The following ZMAT4 variants were observed in gnomAD, a reference collection of about 807,000 sequenced individuals.
ZMAT4 encodes the protein zinc finger matrin-type 4, also known as zinc finger matrin-type protein 4.
In ZMAT4, 17 loss-of-function variants were observed where a neutral mutation model predicts 28.7. That is an observed-to-expected ratio of 0.59 (90% confidence interval 0.41 to 0.89). The LOEUF (loss-of-function observed/expected upper bound fraction) is 0.89, where lower values mean the gene tolerates loss of function less well. Ranked by LOEUF, ZMAT4 falls within the 40% of genes least tolerant of loss-of-function variation. The pLI, the probability that ZMAT4 is intolerant of heterozygous loss-of-function variation, is 0.00. For synonymous variants in ZMAT4, 117 were observed against 109.2 expected (o/e 1.07, Z -0.44); for missense variants, 240 against 283.8 (o/e 0.85, Z 1.11).
At chr8:40,541,643 T>C (rs1221244814) in intron 6 of ZMAT4, among the ~76,000 whole-genome samples, 1 of 152,172 alleles carries the variant, frequency 6.6e-6, no homozygotes, top group African/African-American at 2.4e-5. Flanking sequence ...TCTGGGCTAG[T>C]GTCACTGAAA....
At chr8:40,878,672 C>T (rs1207799749) in intron 1 of ZMAT4, among the ~76,000 whole-genome samples, 1 of 152,244 alleles carries the variant, frequency 6.6e-6, no homozygotes, top group African/African-American at 2.4e-5. Flanking sequence ...CCCTGGTGCA[C>T]TCAATGTACC....
intron 5 of ZMAT4, among the ~76,000 whole-genome samples, chr8:40,669,091 CATT>C (rs1046116018): frequency 1.5e-4 from 23 of 152,054 alleles, no homozygotes; most frequent in African/African-American, 5.1e-4. Context: ...ATAGAGAAAA[CATT>C]ATGAAAGTTT....
At chr8:40,802,599 G>T (rs1012092110) in intron 2 of ZMAT4, among the ~76,000 whole-genome samples, 12 of 152,044 alleles carry the variant, frequency 7.9e-5, no homozygotes, top group African/African-American at 2.9e-4. Context: ...CATGTTCATG[G>T]ATAGAAAGAC....
At chr8:40,852,202 C>G (rs1428958795) in intron 1 of ZMAT4, among the ~76,000 whole-genome samples, 27 of 152,146 alleles carry the variant, frequency 1.8e-4, no homozygotes, top group Non-Finnish European at 1.5e-5. Context: ...AAATCTCTCC[C>G]TATCCCCCAG....
chr8:40,861,015 C>T (rs935729503), intron 1 of ZMAT4, among the ~76,000 whole-genome samples: 1 of 152,174 alleles, frequency 6.6e-6, no homozygotes, highest in African/African-American at 2.4e-5. Flanking sequence ...GCTGACCACC[C>T]CTCCTAATCT....
intron 1 of ZMAT4, among the ~76,000 whole-genome samples, chr8:40,849,443 G>A (rs546059213): frequency 6.6e-6 from 1 of 152,164 alleles, no homozygotes; most frequent in Non-Finnish European, 1.5e-5. Flanking sequence ...AATGCTAGAA[G>A]CCTCCCAAGA....
chr8:40,806,020 C>T (rs1350179054), intron 2 of ZMAT4, among the ~76,000 whole-genome samples: 1 of 152,064 alleles, frequency 6.6e-6, no homozygotes, highest in African/African-American at 2.4e-5. Context: ...ATAATCTCAT[C>T]TTATTCTAGA....
In ZMAT4 at chr8:40,530,748, C is replaced by T. The variant is rs75983141; in HGVS notation, c.*1475G>A. On this transcript the variant is annotated 3_prime_UTR_variant, in exon 7 of 7. Coordinates refer to ENST00000297737, the MANE Select transcript of ZMAT4 (RefSeq NM_024645.3). ...AGCAAAATAGATTCTTCCCATCCAACCCCCTTTCCTCTTGTAGAGTAGGGT... is the reference window on the plus strand; with the variant it reads ...AGCAAAATAGATTCTTCCCATCCAATCCCCTTTCCTCTTGTAGAGTAGGGT... 8.0e-3 allele frequency: 1,229 copies of T among 152,758 alleles called. 8 individuals carry two copies. Among genetic ancestry groups the T allele is most frequent in the Non-Finnish European group, 0.012 (848 of 68,042 alleles). 9.5% of individuals were successfully genotyped at this position (152,758 alleles called of 1,614,324 possible).
chr8:40,824,540 C>CT (rs1815951639), intron 2 of ZMAT4, among the ~76,000 whole-genome samples: 1 of 151,520 alleles, frequency 6.6e-6, no homozygotes, highest in East Asian at 1.9e-4. Flanking sequence ...AGAACATGCC[C>CT]TAGTAGCTCT....
At chr8:40,712,362 C>G (rs1430387184) in intron 3 of ZMAT4, among the ~76,000 whole-genome samples, 1 of 152,174 alleles carries the variant, frequency 6.6e-6, no homozygotes, top group African/African-American at 2.4e-5. Context: ...ACCTCTGAAA[C>G]AAAGATAAGA....
intron 5 of ZMAT4, among the ~76,000 whole-genome samples, chr8:40,658,879 T>C (rs1228385132): frequency 6.6e-6 from 1 of 152,138 alleles, no homozygotes; most frequent in African/African-American, 2.4e-5. Flanking sequence ...TTATTCCAAA[T>C]GTTCACCTCC....
rs530886272 is a variant in ZMAT4, at chr8:40,867,944, A to AG, written c.-5+29738_-5+29739insC. Among the ~76,000 whole-genome samples, 491 of 152,256 alleles carry AG rather than the reference A, an allele frequency of 3.2e-3. 1 individual carries two copies. Among genetic ancestry groups the AG allele is most frequent in the Non-Finnish European group, 5.8e-3 (394 of 68,028 alleles). On this transcript the variant is annotated intron_variant, in intron 1 of 6. Coordinates refer to ENST00000297737, the MANE Select transcript of ZMAT4 (RefSeq NM_024645.3). ...CTAAAATAAAATATAAAAAAAAAAA[A>AG]TTAAAGGATTTGCCTAATTATTTTT...
At chr8:40,849,369 T>C (rs1001562593) in intron 1 of ZMAT4, among the ~76,000 whole-genome samples, 1 of 152,220 alleles carries the variant, frequency 6.6e-6, no homozygotes, top group African/African-American at 2.4e-5. Flanking sequence ...GTAACATATT[T>C]ATAAGTAATG....
intron 5 of ZMAT4, among the ~76,000 whole-genome samples, chr8:40,622,035 T>C (rs1806220003): frequency 6.6e-6 from 1 of 152,222 alleles, no homozygotes; most frequent in Non-Finnish European, 1.5e-5. Flanking sequence ...GAACATTTAT[T>C]ATATGCTTAA....
At chr8:40,754,589 A>C (rs1250608819) in intron 3 of ZMAT4, among the ~76,000 whole-genome samples, 1 of 152,210 alleles carries the variant, frequency 6.6e-6, no homozygotes, top group Admixed American at 6.5e-5. Flanking sequence ...TGTATAACAA[A>C]AAATTTTTAT....
intron 1 of ZMAT4, among the ~76,000 whole-genome samples, chr8:40,862,220 C>T (rs1817519477): frequency 6.6e-6 from 1 of 152,046 alleles, no homozygotes; most frequent in African/African-American, 2.4e-5. Flanking sequence ...CACATATACA[C>T]CATGGAATAC....
intron 1 of ZMAT4, among the ~76,000 whole-genome samples, chr8:40,829,642 A>C (rs757227824): frequency 1.3e-5 from 2 of 152,192 alleles, no homozygotes; most frequent in Non-Finnish European, 2.9e-5. Context: ...GCTACTGAGT[A>C]AGAAGAGACA....
chr8:40,624,313 A>G (rs565353880), intron 5 of ZMAT4, among the ~76,000 whole-genome samples: 1 of 152,244 alleles, frequency 6.6e-6, no homozygotes, highest in Non-Finnish European at 1.5e-5. Flanking sequence ...TGTGAGGGTC[A>G]GCGAGAGGGC....
At chr8:40,542,374 T>A (rs1803064738) in intron 6 of ZMAT4, among the ~76,000 whole-genome samples, 1 of 152,082 alleles carries the variant, frequency 6.6e-6, no homozygotes. Flanking sequence ...AATTTAATTT[T>A]GTTTTATTTA....
Sources: gnomAD v4.1 joint callset for allele counts (sites outside exome capture counted in the v4.1 genomes callset) on GRCh38, gnomAD v4.1.1 for gene constraint, MANE v1.5 for transcripts, NCBI Gene and HGNC (gene_info 2026-07-23, HGNC 2026-07-21) for gene names.